SEC24D: variants seen among roughly 807,000 people sequenced by gnomAD.
SEC24D encodes protein transport protein Sec24D.
Under a neutral mutation model 116.9 loss-of-function variants are expected in SEC24D, and 69 were observed. The observed-to-expected ratio is 0.59, with a 90% CI of 0.49 to 0.72. SEC24D has a LOEUF of 0.72. Among genes scored for constraint, SEC24D ranks in the 30% least tolerant of loss-of-function variants. The pLI is 0.00. For missense variants in SEC24D, 1,131 were observed against 1,264.1 expected, an observed-to-expected ratio of 0.89 and a Z score of 1.60; for synonymous variants, 405 against 442.8, an observed-to-expected ratio of 0.91 and a Z score of 1.07.
At chr4:118,828,525 C>T (rs1453736463) in intron 2 of SEC24D, among the ~76,000 whole-genome samples, 1 of 152,110 alleles carries the variant, frequency 6.6e-6, no homozygotes, top group African/African-American at 2.4e-5. Context: ...GCCACAACTC[C>T]CAGAAGGTTG....
At chr4:118,810,500 A>G (rs1295343215) in intron 6 of SEC24D, among the ~76,000 whole-genome samples, 1 of 152,182 alleles carries the variant, frequency 6.6e-6, no homozygotes, top group Non-Finnish European at 1.5e-5. Flanking sequence ...TTTCAGGGAA[A>G]AGGTCTTTAC....
chr4:118,775,345 C>CAAAAAAAAAAAAAAAAA (rs55740002), intron 8 of SEC24D, among the ~76,000 whole-genome samples: 1 of 114,530 alleles, frequency 8.7e-6, no homozygotes. Flanking sequence ...AGCAAAAGGT[C>CAAAAAAAAAAAAAAAAA]AAAAAAAAAA....
chr4:118,723,668 AAAC>A lies in SEC24D; in HGVS notation c.2959-16_2959-14del. On this transcript the variant is annotated splice_polypyrimidine_tract_variant and intron_variant, in intron 22 of 22. Transcript: ENST00000280551. ...TTACAATTGTGAGCTAGGAAAAAAA[AAAC>A]AAAACAGTAACAGCCCCTGGTTATA... The A allele has an allele frequency of 6.3e-7, 1 of 1,594,018 alleles. No individual in the cohort carries two copies. Among genetic ancestry groups the A allele is most frequent in the Non-Finnish European group, 8.5e-7 (1 of 1,174,588 alleles).
rs940064083 is a variant in SEC24D, at chr4:118,728,611, G to A, written c.2908C>T (p.Leu970Phe). 3 of 1,611,206 alleles carry A rather than the reference G, an allele frequency of 1.9e-6. No homozygotes were observed. Among genetic ancestry groups the A allele is most frequent in the Non-Finnish European group, 1.7e-6 (2 of 1,178,046 alleles). ...TGGATAATACCCATTATCATTCTGA[G>A]TTGTTGAGAGTATGGGTTTCCCACT... Reference protein sequence around the residue: ...PEVGNPYSQQLRMIMGIIQQK... With the variant: ...PEVGNPYSQQFRMIMGIIQQK... The change falls in exon 22 of 23, where the codon CTC (leucine) becomes TTC (phenylalanine). Residue 970 changes from leucine to phenylalanine, a missense_variant. Physicochemically the swap from Leu to Phe is conservative, Grantham distance 22. Coordinates refer to ENST00000280551, the MANE Select transcript of SEC24D (RefSeq NM_014822.4).
At chr4:118,736,852 T>C (rs566438523) in intron 19 of SEC24D, among the ~76,000 whole-genome samples, 3 of 152,354 alleles carry the variant, frequency 2.0e-5, no homozygotes, top group South Asian at 2.1e-4. Context: ...ACTCCGGAAA[T>C]CATTTAATTG....
chr4:118,804,140 G>C (rs1428580280), intron 7 of SEC24D, among the ~76,000 whole-genome samples: 1 of 152,066 alleles, frequency 6.6e-6, no homozygotes, highest in African/African-American at 2.4e-5. Flanking sequence ...AAGCATTATG[G>C]GAAAAGACAC....
At chr4:118,803,477 A>G (rs1426813) in intron 7 of SEC24D, among the ~76,000 whole-genome samples, 96,483 of 152,032 alleles carry the variant, frequency 0.63, 31,746 homozygotes, top group South Asian at 0.74. Context: ...GGGTGTCCCC[A>G]ACTTGGGCAA....
At position 118,739,406 on chromosome 4, in the gene SEC24D, T is replaced by C; in HGVS notation, c.2239-119A>G. Reference sequence around the variant, plus strand: ...AGATAGATAAAAGACCTCTAACTATTTTTCCACAGTTTTTTTTCTATTATT... The same window carrying C: ...AGATAGATAAAAGACCTCTAACTATCTTTCCACAGTTTTTTTTCTATTATT... On this transcript the variant is annotated intron_variant, in intron 17 of 22. Transcript: ENST00000280551. 8.3e-6 allele frequency: 7 copies of C among 840,138 alleles called. No homozygotes were observed. The South Asian group carries it at 1.6e-4, about 19-fold the overall frequency. 52.0% of individuals were successfully genotyped at this position (840,138 alleles called of 1,614,324 possible). A position where few individuals can be genotyped will look rare whatever the true frequency, so the allele number is the denominator to read the frequency against.
intron 7 of SEC24D, among the ~76,000 whole-genome samples, chr4:118,799,207 T>A (rs888831336): frequency 6.6e-6 from 1 of 152,144 alleles, no homozygotes; most frequent in African/African-American, 2.4e-5. Context: ...GTTAAGGGCA[T>A]ATAAGGTGTG....
intron 11 of SEC24D, among the ~76,000 whole-genome samples, chr4:118,754,437 C>A (rs191331570): frequency 6.6e-6 from 1 of 152,238 alleles, no homozygotes; most frequent in African/African-American, 2.4e-5. Flanking sequence ...AATTAGAAGT[C>A]ATTTCCTCTT....
At chr4:118,743,662 G>A (rs1726348715) in intron 15 of SEC24D, among the ~76,000 whole-genome samples, 1 of 152,106 alleles carries the variant, frequency 6.6e-6, no homozygotes, top group African/African-American at 2.4e-5. Context: ...ACTGTGCCCT[G>A]CCTATGTTAC....
At chr4:118,782,011 C>T (rs1728437218) in intron 8 of SEC24D, among the ~76,000 whole-genome samples, 1 of 152,158 alleles carries the variant, frequency 6.6e-6, no homozygotes, top group South Asian at 2.1e-4. Context: ...TTTTTAGCTT[C>T]CTTGCGATGG....
At chr4:118,766,977 C>G (rs188930499) in intron 9 of SEC24D, among the ~76,000 whole-genome samples, 42 of 152,296 alleles carry the variant, frequency 2.8e-4, no homozygotes, top group African/African-American at 9.6e-4. Flanking sequence ...AACTAACAAT[C>G]TGGTCTCAAT....
At position 118,740,742 on chromosome 4, in the gene SEC24D, G is replaced by A; in HGVS notation, c.2159C>T (p.Ala720Val). Residue 720 changes from alanine (A) to valine (V), a missense_variant, in exon 17 of 23, where the codon GCC (alanine) becomes GTC (valine). Transcript: ENST00000280551. ...GGTCACTGCCTTGTCACAATCGATG[G>A]CAGCCATTTCTACATCGGTGGTGTT... ...MNNTTDVEMA[A>V]IDCDKAVTVE... 1 of 1,613,850 alleles carries A rather than the reference G, an allele frequency of 6.2e-7. No individual in the cohort carries two copies. Among genetic ancestry groups the A allele is most frequent in the Non-Finnish European group, 8.5e-7 (1 of 1,179,822 alleles).
At chr4:118,828,633 GAATT>G (rs554421023) in intron 2 of SEC24D, among the ~76,000 whole-genome samples, 128 of 152,250 alleles carry the variant, frequency 8.4e-4, no homozygotes, top group African/African-American at 2.9e-3. Flanking sequence ...CCCCAACGAA[GAATT>G]AATTGGCCCC....
At chr4:118,781,633 C>T (rs563881191) in intron 8 of SEC24D, among the ~76,000 whole-genome samples, 1 of 152,274 alleles carries the variant, frequency 6.6e-6, no homozygotes, top group Non-Finnish European at 1.5e-5. Flanking sequence ...GAATGTTAGC[C>T]TGTCTTGCTA....
intron 11 of SEC24D, among the ~76,000 whole-genome samples, chr4:118,755,042 A>G (rs71610230): frequency 6.6e-6 from 1 of 152,130 alleles, no homozygotes; most frequent in Non-Finnish European, 1.5e-5. Context: ...GGGTTCACTT[A>G]AGATCTAAAT....
At chr4:118,779,450 A>G (rs1451674721) in intron 8 of SEC24D, among the ~76,000 whole-genome samples, 2 of 152,228 alleles carry the variant, frequency 1.3e-5, no homozygotes, top group Admixed American at 1.3e-4. Flanking sequence ...CCAGGGATGA[A>G]GCTGACTTGA....
At chr4:118,772,000 G>T (rs1727924730) in intron 8 of SEC24D, among the ~76,000 whole-genome samples, 2 of 152,156 alleles carry the variant, frequency 1.3e-5, no homozygotes, top group South Asian at 4.1e-4. Context: ...AATTTAGAAA[G>T]GCGATGTTAA....
Sources: allele counts gnomAD v4.1 joint callset (sites outside exome capture counted in the v4.1 genomes callset), GRCh38; gene constraint gnomAD v4.1.1; transcripts MANE v1.5; gene names NCBI Gene and HGNC (gene_info 2026-07-23, HGNC 2026-07-21).